The following BSDC1 variants were observed in gnomAD, a reference collection of about 807,000 sequenced individuals.
The protein encoded by BSDC1 is BSD domain-containing protein 1.
Under a neutral mutation model 56.0 loss-of-function variants are expected in BSDC1, and 29 were observed. The observed-to-expected ratio is 0.52, with a 90% confidence interval of 0.39 to 0.71. BSDC1 has a LOEUF of 0.71. Among genes scored for constraint, BSDC1 ranks in the 30% least tolerant of loss-of-function variants. The pLI is 0.00. For missense variants in BSDC1, 477 were observed against 548.5 expected, an observed-to-expected ratio of 0.87 and a Z score of 1.30; for synonymous variants, 210 against 215.3, an observed-to-expected ratio of 0.98 and a Z score of 0.21.
At chr1:32,370,644 A>T (rs1225946410) in intron 9 of BSDC1, among the ~76,000 whole-genome samples, 1 of 151,840 alleles carries the variant, frequency 6.6e-6, no homozygotes, top group East Asian at 1.9e-4. Flanking sequence ...TCTACTAAAA[A>T]TACAAAAAAT....
At chr1:32,381,956 G>A (rs1407136772) in intron 4 of BSDC1, among the ~76,000 whole-genome samples, 2 of 152,214 alleles carry the variant, frequency 1.3e-5, no homozygotes, top group Non-Finnish European at 2.9e-5. Context: ...GCCGGGTGCG[G>A]TGGCTCACGC....
At position 32,378,629 on chromosome 1, in the gene BSDC1, G is replaced by A; in HGVS notation, c.528+95C>T. ...TATGGAGCCTCCCAGTGCTCTCCGG[G>A]CCAGATGACTCTGCAGTGACTCTGA... On this transcript the variant is annotated intron_variant, in intron 6 of 10. Transcript: ENST00000455895. The surrounding 1 kb of genome is among the most constrained non-coding windows in gnomAD (Gnocchi z 5.2). 3.4e-6 allele frequency: 3 copies of A among 893,560 alleles called. No homozygotes were observed. The African/African-American group carries it at 5.1e-5, about 15-fold the overall frequency. 55.4% of individuals were successfully genotyped at this position (893,560 alleles called of 1,614,324 possible).
chr1:32,375,022 T>A (rs1010392912), intron 9 of BSDC1, among the ~76,000 whole-genome samples: 2 of 151,986 alleles, frequency 1.3e-5, no homozygotes, highest in African/African-American at 4.8e-5. Flanking sequence ...CATGATAGCA[T>A]GCGCCTGTAG....
chr1:32,393,976 T>C, intron 2 of BSDC1, 104 bp downstream of exon 2: 1 of 1,212,434 alleles, frequency 8.2e-7, no homozygotes, highest in Admixed American at 2.1e-5. Context: ...AGCCTCATCC[T>C]TGAGACTTAG....
chr1:32,368,845 C>T (rs1449432011), intron 9 of BSDC1, among the ~76,000 whole-genome samples: 6 of 152,010 alleles, frequency 3.9e-5, no homozygotes, highest in Non-Finnish European at 7.4e-5. Context: ...ACTACAGGCG[C>T]ACGCCCCACA....
chr1:32,378,395 G>T lies in BSDC1; in HGVS notation c.529-112C>A, dbSNP rs777571419. 1 of 1,043,354 alleles carries T rather than the reference G, an allele frequency of 9.6e-7. No homozygotes were observed. Among genetic ancestry groups the T allele is most frequent in the Non-Finnish European group, 1.5e-6 (1 of 685,754 alleles). The allele number at this position is 1,043,354 out of a possible 1,614,324, so 64.6% of individuals were successfully genotyped here. On this transcript the variant is annotated intron_variant, in intron 6 of 10. Coordinates refer to ENST00000455895, the MANE Select transcript of BSDC1 (RefSeq NM_018045.8). This position sits in a 1 kb window ranked among gnomAD's most constrained non-coding sequence, Gnocchi z 5.2. Reference sequence around the variant, plus strand: ...GTCTGGATTTCAGACCCAGTAAGTGGCTTAGCAGTGACAGTCAGAGCACTT... The same window carrying T: ...GTCTGGATTTCAGACCCAGTAAGTGTCTTAGCAGTGACAGTCAGAGCACTT...
intron 3 of BSDC1, among the ~76,000 whole-genome samples, chr1:32,385,186 C>A (rs561806184): frequency 6.6e-6 from 1 of 152,162 alleles, no homozygotes; most frequent in African/African-American, 2.4e-5. Context: ...CAGAACTTTG[C>A]AGGGATATCT....
In BSDC1 at chr1:32,368,847, C is replaced by T. The variant is rs112649457; in HGVS notation, c.1157-297G>A. ...CCAAGTAGCTGGGACTACAGGCGCA[C>T]GCCCCACACACCTGGCTAATTTTTG... On this transcript the variant is annotated intron_variant, in intron 9 of 10. Transcript: ENST00000455895. Among the ~76,000 whole-genome samples, 1,049 of 152,090 alleles carry T rather than the reference C, an allele frequency of 6.9e-3. 8 individuals carry two copies. The highest frequency in any genetic ancestry group is 0.023 in the African/African-American group (971 of 41,474).
intron 9 of BSDC1, among the ~76,000 whole-genome samples, chr1:32,370,803 C>CAAAA (rs58351365): frequency 2.0e-4 from 10 of 50,118 alleles, no homozygotes; most frequent in South Asian, 1.1e-3. Context: ...GACTCCGTCT[C>CAAAA]AAAAAAAAAA....
chr1:32,371,075 GAT>G (rs1321161316), intron 9 of BSDC1, among the ~76,000 whole-genome samples: 1 of 151,870 alleles, frequency 6.6e-6, no homozygotes. Context: ...ATATTAAAAA[GAT>G]ATATATAAAA....
rs760141230 is a variant in BSDC1, at chr1:32,382,867, CAAAAAAA to C, written c.357+956_357+962del. Among the ~76,000 whole-genome samples the C allele has an allele frequency of 6.8e-3, 320 of 47,104 alleles. 2 individuals carry two copies. The highest frequency in any genetic ancestry group is 0.02 in the African/African-American group (274 of 13,500). 30.9% of individuals were successfully genotyped at this position (47,104 alleles called of 152,430 possible). On this transcript the variant is annotated intron_variant, in intron 4 of 10. Coordinates refer to ENST00000455895, the MANE Select transcript of BSDC1 (RefSeq NM_018045.8). Reference sequence around the variant, plus strand: ...CCTGGGTGACAGAGTGAGACCGTCTCAAAAAAAAAAAAAAAAAAAAAAGAAGAAGAAA... The same window carrying C: ...CCTGGGTGACAGAGTGAGACCGTCTCAAAAAAAAAAAAAAAGAAGAAGAAA...
In BSDC1 at chr1:32,377,717, C is replaced by T. The variant is rs777596722; in HGVS notation, c.676+253G>A. On this transcript the variant is annotated intron_variant, in intron 8 of 10. Coordinates refer to ENST00000455895, the MANE Select transcript of BSDC1 (RefSeq NM_018045.8). ...TTCAAGAAGCTCCCCAGTGACTAAGCGGCAGCTGGTTCATGGGCTGGCAGG... is the reference window on the plus strand; with the variant it reads ...TTCAAGAAGCTCCCCAGTGACTAAGTGGCAGCTGGTTCATGGGCTGGCAGG... 3.9e-5 allele frequency among the ~76,000 whole-genome samples: 6 copies of T among 152,128 alleles called. No homozygotes were observed. In the East Asian group the frequency reaches 5.8e-4, roughly 15 times the overall value.
rs139047469 is a variant in BSDC1 at position 32,390,020 on chromosome 1, T to C, written c.73-3125A>G. ...AGGAGTCAGCTAAGAAGTGTTGACATGGGTTTAGTGACGTCTACAAGCATT... is the reference window on the plus strand; with the variant it reads ...AGGAGTCAGCTAAGAAGTGTTGACACGGGTTTAGTGACGTCTACAAGCATT... On this transcript the variant is annotated intron_variant, in intron 2 of 10. Transcript: ENST00000455895. 1.0e-3 allele frequency among the ~76,000 whole-genome samples: 153 copies of C among 146,736 alleles called. 1 individual carries two copies. Among genetic ancestry groups the C allele is most frequent in the African/African-American group, 3.6e-3 (144 of 39,634 alleles).
At chr1:32,369,283 CAA>C in intron 9 of BSDC1, 3 of 1,289,670 alleles carry the variant, frequency 2.3e-6, no homozygotes, top group African/African-American at 3.0e-5. Context: ...CCAGAGGCTC[CAA>C]GAGAGTCACA....
At chr1:32,385,012 A>C (rs986916244) in intron 3 of BSDC1, among the ~76,000 whole-genome samples, 2 of 152,222 alleles carry the variant, frequency 1.3e-5, no homozygotes, top group Non-Finnish European at 2.9e-5. Flanking sequence ...TCAGCAAAAT[A>C]AGCTTGTCTA....
chr1:32,367,734 A>G (rs1487582657), intron 10 of BSDC1: 3 of 963,796 alleles, frequency 3.1e-6, no homozygotes, highest in Admixed American at 6.1e-5. Context: ...CTTGAGCTTA[A>G]TAACTGGAAT....
At chr1:32,383,761 G>A in intron 4 of BSDC1, 69 bp downstream of exon 4, 1 of 1,486,416 alleles carries the variant, frequency 6.7e-7, no homozygotes, top group African/African-American at 1.4e-5. Context: ...GCTTTTGTGA[G>A]TACAGGATGG....
chr1:32,367,891 A>G, intron 10 of BSDC1: 1 of 1,010,480 alleles, frequency 9.9e-7, no homozygotes, highest in Non-Finnish European at 1.2e-6. Context: ...ATGAGGAACC[A>G]GGGGCTCAGG....
chr1:32,377,744 G>C (rs1642343430), intron 8 of BSDC1, among the ~76,000 whole-genome samples: 1 of 150,650 alleles, frequency 6.6e-6, no homozygotes, highest in African/African-American at 2.4e-5. Flanking sequence ...GCTGGCAGGG[G>C]AATCTACACC....
Sources: gnomAD v4.1 joint callset for allele counts (sites outside exome capture counted in the v4.1 genomes callset) on GRCh38, gnomAD v4.1.1 for gene constraint, Gnocchi (gnomAD v3.1) non-coding constraint, MANE v1.5 for transcripts, NCBI Gene and HGNC (gene_info 2026-07-23, HGNC 2026-07-21) for gene names.